Variants in RAB38 observed in about 807,000 individuals in gnomAD.
RAB38 encodes the protein RAB38, member RAS oncogene family, also known as ras-related protein Rab-38.
In RAB38, 15 loss-of-function variants were observed where a neutral mutation model predicts 18.4. The observed-to-expected ratio is 0.82, with a 90% CI of 0.55 to 1.26. The LOEUF (loss-of-function observed/expected upper bound fraction) is 1.26, where lower values mean the gene tolerates loss of function less well. RAB38 is among the 50% of genes most tolerant of loss of function. RAB38 has a pLI of 0.00. For missense variants in RAB38, 294 were observed against 267.4 expected (o/e 1.10, Z -0.69); for synonymous variants, 101 against 104.4 (o/e 0.97, Z 0.20).
At chr11:87,960,810 ACCAGC>A in the RAB38 span, among the ~76,000 whole-genome samples, 2 of 152,186 alleles carry the variant, frequency 1.3e-5, no homozygotes, top group Admixed American at 1.3e-4. Context: ...ATTGAGCTAG[ACCAGC>A]CAAAATCTAC....
intron 2 of RAB38, 89 bp from the exon 3 acceptor site, chr11:88,114,229 T>C (rs1257376633): frequency 1.5e-6 from 2 of 1,372,656 alleles, no homozygotes; most frequent in Non-Finnish European, 2.0e-6. Context: ...TTCATTTAAA[T>C]ATTCCTTCCT....
downstream of RAB38, among the ~76,000 whole-genome samples, chr11:88,109,273 G>A (rs557418297): frequency 1.3e-5 from 2 of 152,132 alleles, no homozygotes; most frequent in African/African-American, 2.4e-5. Context: ...CATGCGGAAA[G>A]GATTCCCTAT....
At chr11:87,969,324 T>G in the RAB38 span, among the ~76,000 whole-genome samples, 3 of 152,224 alleles carry the variant, frequency 2.0e-5, no homozygotes, top group East Asian at 5.8e-4. Context: ...AGTATGTGAA[T>G]GAAAACTTCC....
At chr11:87,850,304 C>T in the RAB38 span, among the ~76,000 whole-genome samples, 1 of 152,086 alleles carries the variant, frequency 6.6e-6, no homozygotes, top group Non-Finnish European at 1.5e-5. Flanking sequence ...CTCTCTTCTT[C>T]TCCTTTTAAC....
At position 88,139,570 on chromosome 11, in the gene RAB38, A is replaced by G. The variant is rs1443032484; in HGVS notation, c.483+10105T>C. Among the ~76,000 whole-genome samples the G allele has an allele frequency of 1.3e-4, 20 of 152,248 alleles. 1 individual carries two copies. Among genetic ancestry groups the G allele is most frequent in the Admixed American group, 1.3e-3 (20 of 15,282 alleles). ...TGCTTAGCAAAGTGCCTACTTGAAT[A>G]TATAGTAGGTATTCAGAGAATACTT... On this transcript the variant is annotated intron_variant, in intron 2 of 2. Coordinates refer to ENST00000243662, the MANE Select transcript of RAB38 (RefSeq NM_022337.3).
At chr11:88,136,906 A>T (rs368949415) in intron 2 of RAB38, among the ~76,000 whole-genome samples, 7 of 152,330 alleles carry the variant, frequency 4.6e-5, no homozygotes, top group African/African-American at 1.4e-4. Flanking sequence ...ACCCCAAGTC[A>T]AATTCTGGTT....
At chr11:87,969,997 G>T in the RAB38 span, among the ~76,000 whole-genome samples, 1 of 152,014 alleles carries the variant, frequency 6.6e-6, no homozygotes, top group African/African-American at 2.4e-5. Flanking sequence ...AAGTAAGTCA[G>T]GTTCAGTAGG....
chr11:87,838,596 G>A, the RAB38 span, among the ~76,000 whole-genome samples: 2 of 152,122 alleles, frequency 1.3e-5, no homozygotes, highest in African/African-American at 4.8e-5. Context: ...GAGAAAGCTG[G>A]GTGGTCTTGT....
the RAB38 span, among the ~76,000 whole-genome samples, chr11:87,942,554 G>A: frequency 6.6e-6 from 1 of 152,102 alleles, no homozygotes; most frequent in Non-Finnish European, 1.5e-5. Context: ...TCCCACAGTG[G>A]AAATGTAAAG....
the RAB38 span, among the ~76,000 whole-genome samples, chr11:88,033,599 T>G: frequency 2.6e-5 from 4 of 151,924 alleles, no homozygotes; most frequent in African/African-American, 9.7e-5. Context: ...TCCACCAATC[T>G]TAGTCAACGT....
chr11:87,821,641 G>A, the RAB38 span, among the ~76,000 whole-genome samples: 3 of 151,994 alleles, frequency 2.0e-5, no homozygotes, highest in Non-Finnish European at 4.4e-5. Context: ...CCTGAGGTCA[G>A]GAGTTTGAGA....
At chr11:87,942,536 A>G in the RAB38 span, among the ~76,000 whole-genome samples, 34 of 152,150 alleles carry the variant, frequency 2.2e-4, no homozygotes, top group African/African-American at 6.5e-4. Flanking sequence ...CTCAACATCA[A>G]GAGTTATTCC....
chr11:88,017,492 A>G, the RAB38 span, among the ~76,000 whole-genome samples: 1 of 151,424 alleles, frequency 6.6e-6, no homozygotes, highest in Non-Finnish European at 1.5e-5. Flanking sequence ...GCTACTATTC[A>G]TGGGTCTCAA....
At chr11:88,027,089 A>G in the RAB38 span, among the ~76,000 whole-genome samples, 19 of 152,378 alleles carry the variant, frequency 1.2e-4, 1 homozygote, top group East Asian at 3.7e-3. Flanking sequence ...CCATTAAAAT[A>G]AAATAAACGA....
At chr11:88,021,777 T>C in the RAB38 span, among the ~76,000 whole-genome samples, 1 of 146,352 alleles carries the variant, frequency 6.8e-6, no homozygotes, top group Non-Finnish European at 1.5e-5. Flanking sequence ...AGGCAGGGTT[T>C]CACACTGCTG....
At chr11:87,961,052 T>A in the RAB38 span, among the ~76,000 whole-genome samples, 1 of 152,144 alleles carries the variant, frequency 6.6e-6, no homozygotes, top group Non-Finnish European at 1.5e-5. Flanking sequence ...TTATTCCATT[T>A]CAATGTCTCT....
At chr11:87,882,552 T>C in the RAB38 span, among the ~76,000 whole-genome samples, 1 of 151,926 alleles carries the variant, frequency 6.6e-6, no homozygotes, top group Non-Finnish European at 1.5e-5. Flanking sequence ...AATCATTTGC[T>C]TCCTGCTAGA....
chr11:87,925,713 A>G, the RAB38 span, among the ~76,000 whole-genome samples: 1 of 152,054 alleles, frequency 6.6e-6, no homozygotes, highest in African/African-American at 2.4e-5. Context: ...GGCAAATGTT[A>G]TAGAAGGCAG....
chr11:87,821,892 A>G, the RAB38 span, among the ~76,000 whole-genome samples: 3 of 152,032 alleles, frequency 2.0e-5, no homozygotes, highest in Non-Finnish European at 4.4e-5. Flanking sequence ...GGGATTCAAA[A>G]ATAAAGGTGA....
Sources: allele counts gnomAD v4.1 joint callset (sites outside exome capture counted in the v4.1 genomes callset), GRCh38; gene constraint gnomAD v4.1.1; transcripts MANE v1.5; gene names NCBI Gene and HGNC (gene_info 2026-07-23, HGNC 2026-07-21).